Variants in GCC2 observed in about 807,000 individuals in gnomAD.
GCC2 encodes the protein GRIP and coiled-coil domain-containing protein 2.
A neutral mutation model predicts 210.6 loss-of-function variants in GCC2; 120 were observed. The observed-to-expected ratio is 0.57, with a 90% CI of 0.49 to 0.66. The LOEUF (loss-of-function observed/expected upper bound fraction) is 0.66. GCC2 is among the 30% of genes least tolerant of loss of function. The pLI is 0.00. For synonymous variants in GCC2, 703 were observed against 652.7 expected (o/e 1.08, Z -1.17); for missense variants, 1,868 against 1,871.9 (o/e 1.00, Z 0.04).
intron 21 of GCC2, among the ~76,000 whole-genome samples, chr2:108,498,419 C>A (rs533666578): frequency 6.6e-6 from 1 of 152,022 alleles, no homozygotes; most frequent in South Asian, 2.1e-4. Context: ...TGGTCTCAAT[C>A]TCCTGACCTC....
intron 22 of GCC2, among the ~76,000 whole-genome samples, chr2:108,506,791 A>G (rs1240982948): frequency 6.6e-6 from 1 of 152,176 alleles, no homozygotes; most frequent in Non-Finnish European, 1.5e-5. Context: ...GTATTGTTTA[A>G]TGGAGAAAGA....
intron 22 of GCC2, among the ~76,000 whole-genome samples, chr2:108,501,903 C>G (rs1682945022): frequency 6.6e-6 from 1 of 152,064 alleles, no homozygotes; most frequent in South Asian, 2.1e-4. Flanking sequence ...GGAATGTTCT[C>G]AATACTGACA....
chr2:108,455,110 A>G (rs1407831461), intron 4 of GCC2, among the ~76,000 whole-genome samples: 1 of 152,118 alleles, frequency 6.6e-6, no homozygotes, highest in African/African-American at 2.4e-5. Context: ...TCATCAATGT[A>G]TTCTCCCACT....
chr2:108,471,835 T>G lies in GCC2; in HGVS notation c.2506T>G (p.Tyr836Asp). Residue 836 changes from tyrosine (Y) to aspartate (D), a missense_variant, in exon 6 of 23, where the codon TAT (tyrosine) becomes GAT (aspartate). Coordinates refer to ENST00000309863, the MANE Select transcript of GCC2 (RefSeq NM_181453.4). ...CEELKSLLRD[Y>D]EQEKVLLRKE... ...AGAACTTAAGTCTTTATTGAGAGACTATGAGCAAGAGAAAGTTCTCTTAAG... is the reference window on the plus strand; with the variant it reads ...AGAACTTAAGTCTTTATTGAGAGACGATGAGCAAGAGAAAGTTCTCTTAAG... The G allele has an allele frequency of 6.2e-7, 1 of 1,613,506 alleles. No homozygotes were observed. Among genetic ancestry groups the G allele is most frequent in the Non-Finnish European group, 8.5e-7 (1 of 1,179,658 alleles).
In GCC2 at chr2:108,449,256, CGGCGGCGGGCT is replaced by C. The variant is rs776397797; in HGVS notation, c.-13_-3del. ...GCGGTGGCGGCGGCTGGTTGCGGGC[CGGCGGCGGGCT>C]GGCGGAGATGGAGGTAACTCAGGTC... On this transcript the variant is annotated 5_prime_UTR_variant, in exon 1 of 23. Coordinates refer to ENST00000309863, the MANE Select transcript of GCC2 (RefSeq NM_181453.4). The C allele has an allele frequency of 1.7e-5, 26 of 1,548,810 alleles. No homozygotes were observed. Among genetic ancestry groups the C allele is most frequent in the Non-Finnish European group, 2.3e-5 (26 of 1,145,098 alleles).
rs780484058 is a variant in GCC2, at chr2:108,449,683, A to C, written c.57A>C (p.Lys19Asn). ...VASPATPGTG[K>N]SKLETLPKED... ...CACCAGCTACCCCTGGGACCGGGAA[A>C]TCTAAGGTGAAGAGAATACTTGAAT... Residue 19 changes from lysine to asparagine, a missense_variant, in exon 2 of 23, where the codon AAA becomes AAC. Coordinates refer to ENST00000309863, the MANE Select transcript of GCC2 (RefSeq NM_181453.4). 9 of 1,613,002 alleles carry C rather than the reference A, an allele frequency of 5.6e-6. No individual in the cohort carries two copies. In the South Asian group the frequency reaches 9.9e-5, roughly 18 times the overall value.
intron 7 of GCC2, among the ~76,000 whole-genome samples, chr2:108,474,110 A>G (rs999532760): frequency 3.3e-5 from 5 of 152,156 alleles, no homozygotes; most frequent in Non-Finnish European, 7.3e-5. Flanking sequence ...GTGAGCCAAG[A>G]TCATGCCACT....
intron 2 of GCC2, among the ~76,000 whole-genome samples, chr2:108,450,621 C>G (rs977071170): frequency 9.2e-5 from 14 of 152,228 alleles, no homozygotes; most frequent in African/African-American, 3.4e-4. Context: ...GTGGGTCACG[C>G]CTGTAATCCC....
chr2:108,487,637 T>G, intron 16 of GCC2, 62 bp from the exon 17 acceptor site: 2 of 1,448,106 alleles, frequency 1.4e-6, no homozygotes, highest in Non-Finnish European at 1.9e-6. Flanking sequence ...TGTTAATCTC[T>G]GAAAGAAAAT....
chr2:108,464,221 G>A (rs1680751270), intron 4 of GCC2, among the ~76,000 whole-genome samples: 1 of 152,168 alleles, frequency 6.6e-6, no homozygotes, highest in Admixed American at 6.5e-5. Flanking sequence ...AGCATCACCT[G>A]TGCGTCGGCC....
At chr2:108,492,507 T>A in intron 18 of GCC2, 66 bp from the exon 19 acceptor site, 1 of 1,037,134 alleles carries the variant, frequency 9.6e-7, no homozygotes, top group Non-Finnish European at 1.5e-6. Flanking sequence ...CAGAACCCAG[T>A]TGAGAAAGGC....
At chr2:108,451,164 A>T (rs548924238) in intron 3 of GCC2, 52 bp downstream of exon 3, 2 of 1,122,548 alleles carry the variant, frequency 1.8e-6, no homozygotes, top group African/African-American at 3.1e-5. Flanking sequence ...ATCGTGGTTT[A>T]AAATGGTAGT....
At chr2:108,502,651 C>T (rs1682979063) in intron 22 of GCC2, among the ~76,000 whole-genome samples, 1 of 151,918 alleles carries the variant, frequency 6.6e-6, no homozygotes, top group African/African-American at 2.4e-5. Context: ...AATGTAAGGC[C>T]TGGCACGGTG....
chr2:108,495,536 T>C, intron 20 of GCC2, 51 bp downstream of exon 20: 4 of 1,272,740 alleles, frequency 3.1e-6, no homozygotes, highest in Non-Finnish European at 4.4e-6. Flanking sequence ...CACTGTCTTA[T>C]TTAATTACTA....
intron 12 of GCC2, 112 bp from the exon 13 acceptor site, chr2:108,484,037 A>C: frequency 1.8e-6 from 1 of 544,698 alleles, no homozygotes; most frequent in Non-Finnish European, 3.2e-6. Flanking sequence ...TATTACAGAA[A>C]AGCACCCATT....
In GCC2 at chr2:108,495,326, C is replaced by G; in HGVS notation, c.4483C>G (p.Arg1495Gly). 1 of 1,581,414 alleles carries G rather than the reference C, an allele frequency of 6.3e-7. No individual in the cohort carries two copies. Among genetic ancestry groups the G allele is most frequent in the Non-Finnish European group, 8.5e-7 (1 of 1,172,458 alleles). ...CTCTCAACAATCTTTGAAGAACCTT[C>G]GAGAAAGGAGAAACACAGACCTCCC... ...VSSQQSLKNL[R>G]ERRNTDLPLL... The change falls in exon 20 of 23, where the codon CGA becomes GGA. Residue 1495 changes from arginine to glycine, a missense_variant. By Grantham distance (125) the Arg-to-Gly change is moderately radical (BLOSUM62 -2). This residue lies in a region of GCC2 where 1,847 missense variants were observed against 1,765.2 expected (regional missense o/e 1.05). Coordinates refer to ENST00000309863, the MANE Select transcript of GCC2 (RefSeq NM_181453.4).
intron 22 of GCC2, among the ~76,000 whole-genome samples, chr2:108,500,512 C>A (rs1268724116): frequency 1.3e-5 from 2 of 151,988 alleles, no homozygotes; most frequent in African/African-American, 4.8e-5. Flanking sequence ...CCATCTCAAA[C>A]AAAAAACATC....
At chr2:108,465,368 A>G (rs1363546990) in intron 4 of GCC2, among the ~76,000 whole-genome samples, 4 of 152,130 alleles carry the variant, frequency 2.6e-5, no homozygotes, top group South Asian at 2.1e-4. Flanking sequence ...TTTTATTTCA[A>G]TAGCTTTTGG....
chr2:108,503,583 A>G (rs1434758442), intron 22 of GCC2, among the ~76,000 whole-genome samples: 4 of 152,294 alleles, frequency 2.6e-5, no homozygotes, highest in African/African-American at 9.6e-5. Context: ...AACACTGCAT[A>G]CATGAGGGAT....
Sources: gnomAD v4.1 joint callset for allele counts (sites outside exome capture counted in the v4.1 genomes callset) on GRCh38, gnomAD v4.1.1 for gene constraint, gnomAD v4.1.1 regional missense constraint, MANE v1.5 for transcripts, NCBI Gene and HGNC (gene_info 2026-07-23, HGNC 2026-07-21) for gene names.